Variants in CCNI2 observed in about 807,000 individuals in gnomAD.
CCNI2 encodes the protein cyclin-I2.
Under a neutral mutation model 33.2 loss-of-function variants are expected in CCNI2, and 32 were observed. That is an observed-to-expected ratio of 0.96 (90% CI 0.73 to 1.30). The LOEUF (loss-of-function observed/expected upper bound fraction) is 1.30. CCNI2 is among the 50% of genes most tolerant of loss of function. CCNI2 has a pLI of 0.00. For synonymous variants in CCNI2, 231 were observed against 219.9 expected, an observed-to-expected ratio of 1.05 and a Z score of -0.45; for missense variants, 452 against 486.2, an observed-to-expected ratio of 0.93 and a Z score of 0.66.
At position 132,751,999 on chromosome 5, in the gene CCNI2, G is replaced by A. The variant is rs199927703; in HGVS notation, c.808G>A (p.Val270Met). Residue 270 changes from valine to methionine, a missense_variant, in exon 5 of 6, where the codon GTG becomes ATG. Val to Met is a conservative substitution (Grantham distance 21, BLOSUM62 1). Coordinates refer to ENST00000378731, the MANE Select transcript of CCNI2 (RefSeq NM_001039780.4). ...CCTGGTGGTCCTGAGCTGGCCCCAT[G>A]TGTTGGAGCTGCTGCCTCAGAGGAA... is the stretch of plus-strand genomic sequence containing the variant. ...HALVVLSWPH[V>M]LELLPQRNPS... is the part of the protein sequence containing the mutation. 5.6e-6 allele frequency: 9 copies of A among 1,612,232 alleles called. No homozygotes were observed. Among genetic ancestry groups the A allele is most frequent in the African/African-American group, 1.3e-5 (1 of 75,030 alleles).
Position 132,747,815 on chromosome 5 carries a change from C to A in CCNI2, c.320C>A (p.Ser107Tyr). The change falls in exon 1 of 6, where the codon TCC (serine) becomes TAC (tyrosine). Residue 107 changes from serine (S) to tyrosine (Y), a missense_variant. Ser to Tyr is a moderately radical substitution (Grantham distance 144, BLOSUM62 -2). Coordinates refer to ENST00000378731, the MANE Select transcript of CCNI2 (RefSeq NM_001039780.4). The surrounding 1 kb of genome is among the most constrained non-coding windows in gnomAD (Gnocchi z 4.1). ...CAAGCTCCGCGGCCGGCTCCACAGT[C>A]CCGCAAGCCGCGCAACCTGGAAGGC... ...PEQAPRPAPQ[S>Y]RKPRNLEGDL... 1 of 1,482,296 alleles carries A rather than the reference C, an allele frequency of 6.7e-7. No individual in the cohort carries two copies. The highest frequency in any genetic ancestry group is 1.3e-5 in the South Asian group (1 of 78,210). The allele number at this position is 1,482,296 out of a possible 1,614,324, so 91.8% of individuals were successfully genotyped here. A position where few individuals can be genotyped will look rare whatever the true frequency, so the allele number is the denominator to read the frequency against.
At chr5:132,749,163 G>A (rs1039843401) in intron 2 of CCNI2, among the ~76,000 whole-genome samples, 185 bp from the exon 3 acceptor site, 18 of 152,182 alleles carry the variant, frequency 1.2e-4, no homozygotes, top group Admixed American at 1.2e-3. Flanking sequence ...GGCTGTGACA[G>A]GAGAATCGCT....
intron 3 of CCNI2, 105 bp downstream of exon 3, chr5:132,749,527 T>C: frequency 1.0e-6 from 1 of 962,806 alleles, no homozygotes; most frequent in Non-Finnish European, 1.6e-6. Flanking sequence ...GTATGGTGGA[T>C]GTTTTGAAAA....
At chr5:132,755,958 A>AGT (rs1230711596), downstream of CCNI2, 4 of 923,904 alleles carry the variant, frequency 4.3e-6, no homozygotes, top group East Asian at 8.0e-4. Flanking sequence ...GGCTCAGGAA[A>AGT]CGTTAAATCA....
chr5:132,752,883 C>A lies in CCNI2; in HGVS notation c.1023C>A (p.Tyr341Ter). The A allele has an allele frequency of 6.2e-7, 1 of 1,613,756 alleles. No individual in the cohort carries two copies. The highest frequency in any genetic ancestry group is 8.5e-7 in the Non-Finnish European group (1 of 1,179,728). The change falls in exon 6 of 6, where the codon TAC becomes TAA. Residue 341 changes from tyrosine (Y) to a stop codon, truncating the protein, a stop_gained. Transcript: ENST00000378731. LOFTEE classifies it high-confidence loss of function. ...TAATACAGGTTGGTGATATGCAGTACAGCTGCTGCAAGGAACTTGTAATGC... is the reference window on the plus strand; with the variant it reads ...TAATACAGGTTGGTGATATGCAGTAAAGCTGCTGCAAGGAACTTGTAATGC... ...LKKAQVGDMQ[Y>*]SCCKELVMQQ...
chr5:132,750,317 C>G (rs948620897), intron 3 of CCNI2, among the ~76,000 whole-genome samples: 1 of 152,108 alleles, frequency 6.6e-6, no homozygotes, highest in Non-Finnish European at 1.5e-5. Flanking sequence ...CTCATTAGTC[C>G]CTCTGTGGGA....
intron 1 of CCNI2, 117 bp downstream of exon 1, chr5:132,748,041 G>A (rs923769259): frequency 3.8e-5 from 44 of 1,154,318 alleles, no homozygotes; most frequent in Non-Finnish European, 5.0e-5. Context: ...CCCAGGTGTG[G>A]CCCCTCACGA....
rs976785882 is a variant in CCNI2, at chr5:132,753,511, T to A, written c.*541T>A. On this transcript the variant is annotated 3_prime_UTR_variant, in exon 6 of 6. Coordinates refer to ENST00000378731, the MANE Select transcript of CCNI2 (RefSeq NM_001039780.4). Reference sequence around the variant, plus strand: ...CATGGGACAGTCTCTGCAGATGCATTTACCCAACCATGGCTATGACTTATG... The same window carrying A: ...CATGGGACAGTCTCTGCAGATGCATATACCCAACCATGGCTATGACTTATG... 3 of 154,758 alleles carry A rather than the reference T, an allele frequency of 1.9e-5. No individual in the cohort carries two copies. Among genetic ancestry groups the A allele is most frequent in the African/African-American group, 7.2e-5 (3 of 41,508 alleles). The allele number at this position is 154,758 out of a possible 1,614,324, so 9.6% of individuals were successfully genotyped here. A position where few individuals can be genotyped will look rare whatever the true frequency, so the allele number is the denominator to read the frequency against.
At position 132,748,147 on chromosome 5, in the gene CCNI2, T is replaced by A. The variant is rs183443925; in HGVS notation, c.430-200T>A. ...CCTGTTTGAATCAAGGAACTCAGCCTACGACGAAAAGTGGGCGCGAGGGGT... is the reference window on the plus strand; with the variant it reads ...CCTGTTTGAATCAAGGAACTCAGCCAACGACGAAAAGTGGGCGCGAGGGGT... On this transcript the variant is annotated intron_variant, in intron 1 of 5. Coordinates refer to ENST00000378731, the MANE Select transcript of CCNI2 (RefSeq NM_001039780.4). 2.6e-3 allele frequency among the ~76,000 whole-genome samples: 395 copies of A among 152,202 alleles called. 3 individuals carry two copies. The highest frequency in any genetic ancestry group is 8.4e-3 in the African/African-American group (350 of 41,512).
chr5:132,751,931 T>C, intron 4 of CCNI2, 35 bp from the exon 5 acceptor site: 1 of 1,572,082 alleles, frequency 6.4e-7, no homozygotes, highest in Non-Finnish European at 8.6e-7. Context: ...AAGTATGGCG[T>C]TTTCTGTTCT....
At position 132,747,733 on chromosome 5, in the gene CCNI2, C is replaced by T; in HGVS notation, c.238C>T (p.Arg80Cys). 2.7e-6 allele frequency: 4 copies of T among 1,472,332 alleles called. No individual in the cohort carries two copies. The highest frequency in any genetic ancestry group is 3.6e-6 in the Non-Finnish European group (4 of 1,120,004). The allele number at this position is 1,472,332 out of a possible 1,614,324, so 91.2% of individuals were successfully genotyped here. Residue 80 changes from arginine (R) to cysteine (C), a missense_variant, in exon 1 of 6, where the codon CGC (arginine) becomes TGC (cysteine). By Grantham distance (180) the Arg-to-Cys change is radical. Coordinates refer to ENST00000378731, the MANE Select transcript of CCNI2 (RefSeq NM_001039780.4). The surrounding 1 kb of genome is among the most constrained non-coding windows in gnomAD (Gnocchi z 4.1). ...ASAAVPVRPRRGTAPAGKTAD... is the reference protein window; with the variant it reads ...ASAAVPVRPRCGTAPAGKTAD... ...CGCAGCAGTCCCCGTGCGGCCCCGG[C>T]GCGGTACGGCGCCAGCCGGGAAAAC...
chr5:132,748,046 T>A, intron 1 of CCNI2, 122 bp downstream of exon 1: 1 of 1,111,998 alleles, frequency 9.0e-7, no homozygotes, highest in Non-Finnish European at 1.2e-6. Flanking sequence ...GTGTGGCCCC[T>A]CACGAGAGGC....
rs887438943 is a variant in CCNI2, at chr5:132,747,890, G to A, written c.395G>A (p.Arg132His). The A allele has an allele frequency of 3.5e-6, 5 of 1,410,088 alleles. No homozygotes were observed. Among genetic ancestry groups the A allele is most frequent in the Non-Finnish European group, 4.6e-6 (5 of 1,090,782 alleles). The allele number at this position is 1,410,088 out of a possible 1,614,324, so 87.3% of individuals were successfully genotyped here. A position where few individuals can be genotyped will look rare whatever the true frequency, so the allele number is the denominator to read the frequency against. ...TGCCACTTGCAGCTGGCCCAGGACC[G>A]CGAGGCGCGCCTGTGGCGGGGCGGC... ...LLCHLQLAQD[R>H]EARLWRGGKP... The change falls in exon 1 of 6, where the codon CGC becomes CAC. Residue 132 changes from arginine to histidine, a missense_variant. Physicochemically the swap from Arg to His is conservative, Grantham distance 29 (BLOSUM62 0). Coordinates refer to ENST00000378731, the MANE Select transcript of CCNI2 (RefSeq NM_001039780.4). This position sits in a 1 kb window ranked among gnomAD's most constrained non-coding sequence, Gnocchi z 4.1.
intron 2 of CCNI2, 59 bp downstream of exon 2, chr5:132,748,534 C>T (rs920572502): frequency 4.4e-6 from 7 of 1,596,864 alleles, no homozygotes; most frequent in Admixed American, 1.7e-5. Context: ...ACCTTTGCTC[C>T]CCATTCCTGC....
intron 3 of CCNI2, among the ~76,000 whole-genome samples, chr5:132,749,905 G>T (rs955214131): frequency 6.6e-6 from 1 of 152,134 alleles, no homozygotes; most frequent in Non-Finnish European, 1.5e-5. Context: ...AAAGTACAAG[G>T]GGCCCATGAG....
intron 3 of CCNI2, among the ~76,000 whole-genome samples, 179 bp downstream of exon 3, chr5:132,749,601 C>T (rs556881576): frequency 1.3e-5 from 2 of 152,120 alleles, no homozygotes. Flanking sequence ...TGAGACCCCA[C>T]AAATGAACAA....
intron 2 of CCNI2, 116 bp downstream of exon 2, chr5:132,748,591 T>C: frequency 7.8e-7 from 1 of 1,290,132 alleles, no homozygotes; most frequent in East Asian, 2.4e-5. Flanking sequence ...GTGTATAAAC[T>C]AACTTGCTCC....
chr5:132,754,071 G>C lies in CCNI2; in HGVS notation c.*1101G>C, dbSNP rs950523263. ...GTCAAGGGCCAGATATACTATAATTGTCTATATTATAGAGTTAGTATACAT... is the reference window on the plus strand; with the variant it reads ...GTCAAGGGCCAGATATACTATAATTCTCTATATTATAGAGTTAGTATACAT... On this transcript the variant is annotated 3_prime_UTR_variant, in exon 6 of 6. Transcript: ENST00000378731. The C allele has an allele frequency of 5.8e-6, 1 of 172,452 alleles. No homozygotes were observed. The highest frequency in any genetic ancestry group is 2.6e-5 in the African/African-American group (1 of 39,200). The allele number at this position is 172,452 out of a possible 1,614,324, so 10.7% of individuals were successfully genotyped here. A position where few individuals can be genotyped will look rare whatever the true frequency, so the allele number is the denominator to read the frequency against.
In CCNI2 at chr5:132,753,203, C is replaced by A; in HGVS notation, c.*233C>A. The A allele has an allele frequency of 2.0e-6, 1 of 495,210 alleles. No individual in the cohort carries two copies. Among genetic ancestry groups the A allele is most frequent in the Non-Finnish European group, 3.6e-6 (1 of 275,270 alleles). 30.7% of individuals were successfully genotyped at this position (495,210 alleles called of 1,614,324 possible). On this transcript the variant is annotated 3_prime_UTR_variant, in exon 6 of 6. Coordinates refer to ENST00000378731, the MANE Select transcript of CCNI2 (RefSeq NM_001039780.4). ...GTCTGATAGACTATGACCCTGTCTT[C>A]CCTTTTTCTCCTCTGGGCCTGAAGC...
Sources: allele counts gnomAD v4.1 joint callset (sites outside exome capture counted in the v4.1 genomes callset), GRCh38; gene constraint gnomAD v4.1.1; non-coding constraint Gnocchi (gnomAD v3.1); transcripts MANE v1.5; gene names NCBI Gene and HGNC (gene_info 2026-07-23, HGNC 2026-07-21).